The following HPGD variants were observed in gnomAD, a reference collection of about 807,000 sequenced individuals.
HPGD encodes 15-hydroxyprostaglandin dehydrogenase [NAD(+)].
In HPGD, 29 loss-of-function variants were observed where a neutral mutation model predicts 30.0. That is an observed-to-expected ratio of 0.97 (90% CI 0.72 to 1.32). HPGD has a LOEUF of 1.32. Among genes scored for constraint, HPGD ranks in the 40% most tolerant of loss-of-function variants. The pLI is 0.00. For missense variants in HPGD, 340 were observed against 322.1 expected (o/e 1.06, Z -0.43); for synonymous variants, 99 against 112.4 (o/e 0.88, Z 0.75).
chr4:174,499,984 A>G (rs933802873), intron 4 of HPGD, among the ~76,000 whole-genome samples: 16 of 146,966 alleles, frequency 1.1e-4, no homozygotes, highest in Non-Finnish European at 2.3e-4. Flanking sequence ...CACACACTCA[A>G]ATTTAAAATA....
intron 3 of HPGD, among the ~76,000 whole-genome samples, chr4:174,514,200 G>C (rs745800787): frequency 6.6e-6 from 1 of 152,070 alleles, no homozygotes; most frequent in African/African-American, 2.4e-5. Context: ...AGAGATGTAA[G>C]TATGATTCAC....
chr4:174,502,558 G>A (rs1357542635), intron 4 of HPGD, among the ~76,000 whole-genome samples: 3 of 151,962 alleles, frequency 2.0e-5, no homozygotes, highest in Non-Finnish European at 4.4e-5. Flanking sequence ...GGCGCCTGTA[G>A]TCTCAGCTAC....
At chr4:174,493,487 T>C (rs1005751848) in intron 5 of HPGD, 173 bp from the exon 6 acceptor site, 6 of 604,792 alleles carry the variant, frequency 9.9e-6, no homozygotes, top group African/African-American at 3.7e-5. Flanking sequence ...ACATAAAGTA[T>C]TGTATTAATT....
chr4:174,504,344 G>A (rs1371321078), intron 4 of HPGD, among the ~76,000 whole-genome samples: 2 of 152,098 alleles, frequency 1.3e-5, no homozygotes, highest in Non-Finnish European at 2.9e-5. Context: ...ATTTTCTGGA[G>A]ACTCCAATGT....
chr4:174,509,127 A>G (rs45484594), intron 3 of HPGD, among the ~76,000 whole-genome samples: 11,911 of 152,150 alleles, frequency 0.078, 751 homozygotes, highest in African/African-American at 0.17. Flanking sequence ...TTTGTTTTCT[A>G]AATGTTGGAT....
chr4:174,505,122 A>G (rs1301774723), intron 4 of HPGD, among the ~76,000 whole-genome samples: 2 of 152,226 alleles, frequency 1.3e-5, no homozygotes, highest in Non-Finnish European at 2.9e-5. Flanking sequence ...ATCATTGTCT[A>G]CTTAACTACT....
At chr4:174,516,512 G>A (rs12649903) in intron 3 of HPGD, among the ~76,000 whole-genome samples, 26,073 of 151,938 alleles carry the variant, frequency 0.17, 2,561 homozygotes, top group East Asian at 0.29. Context: ...AAGGGTGAGA[G>A]TGGGAAAACT....
chr4:174,514,550 G>A (rs1355659421), intron 3 of HPGD, among the ~76,000 whole-genome samples: 1 of 152,054 alleles, frequency 6.6e-6, no homozygotes, highest in Non-Finnish European at 1.5e-5. Flanking sequence ...GTAACATAAA[G>A]CAAACATCTT....
Position 174,496,377 on chromosome 4 carries a change from A to G in HPGD, c.422-753T>C, listed in dbSNP as rs954882604. ...AATTCATGGTCTGGAGAGAAAAAAC[A>G]GTATAGCATATACCTATAGCATCTC... On this transcript the variant is annotated intron_variant, in intron 4 of 6. Transcript: ENST00000296522. The surrounding 1 kb of genome is among the most constrained non-coding windows in gnomAD (Gnocchi z 4.6). Among the ~76,000 whole-genome samples, 6 of 143,302 alleles carry G rather than the reference A, an allele frequency of 4.2e-5. No homozygotes were observed. The highest frequency in any genetic ancestry group is 1.5e-4 in the African/African-American group (6 of 39,484). 94.0% of individuals were successfully genotyped at this position (143,302 alleles called of 152,430 possible).
chr4:174,500,186 A>G (rs1335774646), intron 4 of HPGD, among the ~76,000 whole-genome samples: 2 of 152,212 alleles, frequency 1.3e-5, no homozygotes, highest in East Asian at 3.9e-4. Context: ...TGTTATAGGA[A>G]ATTTCAAATT....
At chr4:174,497,577 T>TTTTTTTTTTTTC (rs1560976977) in intron 4 of HPGD, among the ~76,000 whole-genome samples, 23 of 106,410 alleles carry the variant, frequency 2.2e-4, no homozygotes, top group African/African-American at 8.9e-4. Context: ...TCTTTTTTTT[T>TTTTTTTTTTTTC]TTTTTTTTTT....
Position 174,500,862 on chromosome 4 carries a change from A to G in HPGD, c.422-5238T>C, listed in dbSNP as rs536329439. ...AGCCTACAGATTGTACAACATCAAG[A>G]GTAAACCAGATGAAACCTCAAATAA... On this transcript the variant is annotated intron_variant, in intron 4 of 6. Coordinates refer to ENST00000296522, the MANE Select transcript of HPGD (RefSeq NM_000860.6). Among the ~76,000 whole-genome samples, 17 of 152,332 alleles carry G rather than the reference A, an allele frequency of 1.1e-4. 1 individual carries two copies. In the South Asian group the frequency reaches 3.5e-3, roughly 32 times the overall value.
rs187799463 is a variant in HPGD at position 174,519,302 on chromosome 4, C to T, written c.218-1225G>A. On this transcript the variant is annotated intron_variant, in intron 2 of 6. Transcript: ENST00000296522. The stretch of plus-strand genomic sequence containing the variant: ...GATCTCAGCTCACTGCAAGCTCCAC[C>T]TCCCGGGTTCACGCCATTCTCCTGC... Among the ~76,000 whole-genome samples the T allele has an allele frequency of 6.3e-3, 957 of 151,964 alleles. 10 individuals are homozygous for T. The highest frequency in any genetic ancestry group is 0.021 in the African/African-American group (873 of 41,400).
chr4:174,509,023 G>A (rs1735333263), intron 3 of HPGD, among the ~76,000 whole-genome samples: 1 of 152,166 alleles, frequency 6.6e-6, no homozygotes, highest in South Asian at 2.1e-4. Flanking sequence ...TCACTTAGTT[G>A]CCCAATATGA....
chr4:174,494,545 T>C lies in HPGD; in HGVS notation c.498+1003A>G, dbSNP rs981282713. 2.6e-5 allele frequency among the ~76,000 whole-genome samples: 4 copies of C among 152,244 alleles called. No homozygotes were observed. Among genetic ancestry groups the C allele is most frequent in the Non-Finnish European group, 4.4e-5 (3 of 68,038 alleles). On this transcript the variant is annotated intron_variant, in intron 5 of 6. Transcript: ENST00000296522. This position sits in a 1 kb window ranked among gnomAD's most constrained non-coding sequence, Gnocchi z 4.9. ...AGAAGTCTGTCTGAAGATTATGTCT[T>C]TGCAAATTAAGCAATAATTTCCAAT...
intron 1 of HPGD, 47 bp downstream of exon 1, chr4:174,522,312 C>A: frequency 6.6e-7 from 1 of 1,509,820 alleles, no homozygotes; most frequent in Non-Finnish European, 9.0e-7. Context: ...GGGCGAGTCT[C>A]GGAGTGTGTG....
In HPGD at chr4:174,493,311, C is replaced by T. The variant is rs1363082888; in HGVS notation, c.502G>A (p.Ala168Thr). The change falls in exon 6 of 7, where the codon GCT (alanine) becomes ACT (threonine). Residue 168 changes from alanine (A) to threonine (T), a missense_variant. By Grantham distance (58) the Ala-to-Thr change is moderately conservative. Coordinates refer to ENST00000296522, the MANE Select transcript of HPGD (RefSeq NM_000860.6). ...ACACCACTGTTCATAAGATTAGCAG[C>T]CAACTGCCAATTAGAAGGTTGTAGG... ...IVGFTRSAAL[A>T]ANLMNSGVRL... The T allele has an allele frequency of 6.2e-7, 1 of 1,612,932 alleles. No homozygotes were observed. The highest frequency in any genetic ancestry group is 1.1e-5 in the South Asian group (1 of 91,044).
Position 174,522,444 on chromosome 4 carries a change from A to G in HPGD, c.8T>C (p.Val3Ala). The change falls in exon 1 of 7, where the codon GTG (valine) becomes GCG (alanine). Residue 3 changes from valine (V) to alanine (A), a missense_variant. Transcript: ENST00000296522. The part of the protein sequence containing the change: MH[V>A]NGKVALVTGA... ...GGTCACCAGCGCCACTTTGCCGTTC[A>G]CGTGCATGGTGCAGCCACTGCTGGG... is the stretch of plus-strand genomic sequence containing the variant. 1 of 1,579,132 alleles carries G rather than the reference A, an allele frequency of 6.3e-7. No homozygotes were observed. The highest frequency in any genetic ancestry group is 8.6e-7 in the Non-Finnish European group (1 of 1,163,374).
chr4:174,501,939 C>A (rs1206729552), intron 4 of HPGD, among the ~76,000 whole-genome samples: 1 of 152,140 alleles, frequency 6.6e-6, no homozygotes, highest in Admixed American at 6.5e-5. Flanking sequence ...TCAGACAGGG[C>A]AGTCATACTA....
Sources: allele counts gnomAD v4.1 joint callset (sites outside exome capture counted in the v4.1 genomes callset), GRCh38; gene constraint gnomAD v4.1.1; non-coding constraint Gnocchi (gnomAD v3.1); transcripts MANE v1.5; gene names NCBI Gene and HGNC (gene_info 2026-07-23, HGNC 2026-07-21).